The following MYO5A variants were observed in gnomAD, a reference collection of about 807,000 sequenced individuals.
The protein encoded by MYO5A is myosin VA, also known as unconventional myosin-Va.
MYO5A carries 98 observed loss-of-function variants against 249.7 expected under a neutral mutation model. That is an observed-to-expected ratio of 0.39 (90% CI 0.33 to 0.46). The LOEUF (loss-of-function observed/expected upper bound fraction) is 0.46, where lower values mean the gene tolerates loss of function less well. MYO5A is among the 20% of genes least tolerant of loss of function. The pLI, the probability that MYO5A is intolerant of heterozygous loss-of-function variation, is 0.98. For synonymous variants in MYO5A, 778 were observed against 810.6 expected (o/e 0.96, Z 0.68); for missense variants, 1,696 against 2,308.8 (o/e 0.73, Z 5.44).
At chr15:52,332,322 T>A (rs551078681) in intron 34 of MYO5A, among the ~76,000 whole-genome samples, 2 of 152,146 alleles carry the variant, frequency 1.3e-5, no homozygotes, top group African/African-American at 4.8e-5. Context: ...ACTAAAAAAA[T>A]TGCCAACTAA....
At chr15:52,349,132 C>T (rs1822457107) in intron 28 of MYO5A, among the ~76,000 whole-genome samples, 1 of 152,078 alleles carries the variant, frequency 6.6e-6, no homozygotes, top group South Asian at 2.1e-4. Flanking sequence ...GAGAATGACC[C>T]TCCTGTTATT....
chr15:52,430,937 T>A (rs530014063), intron 2 of MYO5A, among the ~76,000 whole-genome samples: 40 of 151,866 alleles, frequency 2.6e-4, no homozygotes, highest in South Asian at 1.3e-3. Flanking sequence ...TTATTTTTTT[T>A]AAAAAAAGTC....
intron 1 of MYO5A, among the ~76,000 whole-genome samples, chr15:52,487,079 G>A (rs2076836780): frequency 1.3e-5 from 2 of 152,112 alleles, no homozygotes; most frequent in Admixed American, 1.3e-4. Context: ...TAGGTCATAC[G>A]ACACAAAATT....
intron 2 of MYO5A, among the ~76,000 whole-genome samples, chr15:52,429,688 C>CAA (rs776932198): frequency 2.7e-4 from 27 of 101,174 alleles, no homozygotes; most frequent in African/African-American, 7.5e-4. Flanking sequence ...GACTCCATCT[C>CAA]AAAAAAAAAC....
At chr15:52,336,783 A>T (rs2039140957) in intron 33 of MYO5A, among the ~76,000 whole-genome samples, 2 of 152,264 alleles carry the variant, frequency 1.3e-5, no homozygotes. Flanking sequence ...CGTGATGGAC[A>T]GCAGGCTCAC....
At chr15:52,341,033 C>T (rs998717769) in intron 31 of MYO5A, among the ~76,000 whole-genome samples, 4 of 151,826 alleles carry the variant, frequency 2.6e-5, no homozygotes, top group African/African-American at 9.7e-5. Flanking sequence ...ATTTGCCTTG[C>T]ATTTGCATTT....
At chr15:52,365,451 C>T (rs1339887136) in intron 23 of MYO5A, among the ~76,000 whole-genome samples, 1 of 152,158 alleles carries the variant, frequency 6.6e-6, no homozygotes, top group Non-Finnish European at 1.5e-5. Flanking sequence ...AGTAACAAAA[C>T]CTCAAATCTC....
chr15:52,340,952 CAAA>C (rs71676013), intron 31 of MYO5A, among the ~76,000 whole-genome samples: 7 of 77,992 alleles, frequency 9.0e-5, no homozygotes, highest in Non-Finnish European at 1.3e-4. Context: ...AACTTCGTCT[CAAA>C]AAAAAAAAAA....
chr15:52,434,319 G>A (rs2075613861), intron 1 of MYO5A, among the ~76,000 whole-genome samples: 1 of 151,974 alleles, frequency 6.6e-6, no homozygotes, highest in South Asian at 2.1e-4. Flanking sequence ...TTTTTTTATG[G>A]TGGTTTGCAT....
chr15:52,356,833 T>C (rs1179834924), intron 25 of MYO5A, among the ~76,000 whole-genome samples: 4 of 148,166 alleles, frequency 2.7e-5, no homozygotes, highest in Non-Finnish European at 5.9e-5. Flanking sequence ...TCAGGAATTG[T>C]ATATTAATTA....
intron 1 of MYO5A, among the ~76,000 whole-genome samples, chr15:52,436,451 T>C (rs1484296549): frequency 6.6e-6 from 1 of 152,226 alleles, no homozygotes; most frequent in African/African-American, 2.4e-5. Flanking sequence ...TCCTTCTCAC[T>C]TATATGATAG....
At chr15:52,472,564 G>A (rs999718519) in intron 1 of MYO5A, among the ~76,000 whole-genome samples, 2 of 151,910 alleles carry the variant, frequency 1.3e-5, no homozygotes, top group Admixed American at 6.6e-5. Context: ...CGCACAACAG[G>A]CCCCGGTGTG....
chr15:52,361,664 A>T (rs1276182808), intron 24 of MYO5A, among the ~76,000 whole-genome samples: 2 of 152,238 alleles, frequency 1.3e-5, no homozygotes, highest in Non-Finnish European at 2.9e-5. Flanking sequence ...TTGGCATAAC[A>T]AGCATTCAAT....
chr15:52,422,819 C>T (rs927386496), intron 4 of MYO5A, among the ~76,000 whole-genome samples: 5 of 152,242 alleles, frequency 3.3e-5, no homozygotes, highest in South Asian at 4.1e-4. Context: ...TGGGCTCAAG[C>T]GATCCTCCCA....
At chr15:52,518,550 C>G (rs946195921) in intron 1 of MYO5A, among the ~76,000 whole-genome samples, 5 of 152,184 alleles carry the variant, frequency 3.3e-5, no homozygotes, top group Non-Finnish European at 7.3e-5. Flanking sequence ...CCAACCCAAC[C>G]ATGCTGCTTA....
At chr15:52,395,744 T>A (rs530795055) in intron 11 of MYO5A, among the ~76,000 whole-genome samples, 2 of 152,312 alleles carry the variant, frequency 1.3e-5, no homozygotes. Flanking sequence ...CTGGGCTCTG[T>A]GTCCTTCACT....
intron 1 of MYO5A, among the ~76,000 whole-genome samples, chr15:52,502,979 T>C (rs2077188599): frequency 6.6e-6 from 1 of 151,990 alleles, no homozygotes; most frequent in South Asian, 2.1e-4. Flanking sequence ...AAAAAGTAGG[T>C]CTCATGAAGA....
chr15:52,343,228 C>T (rs747403870), intron 30 of MYO5A, 31 bp from the exon 31 acceptor site: 3 of 1,562,656 alleles, frequency 1.9e-6, no homozygotes, highest in Admixed American at 3.3e-5. Flanking sequence ...CAATGCAAAA[C>T]ACAAAAGGAT....
At chr15:52,420,700 G>A (rs1056839386) in intron 4 of MYO5A, among the ~76,000 whole-genome samples, 2 of 152,104 alleles carry the variant, frequency 1.3e-5, no homozygotes, top group African/African-American at 4.8e-5. Flanking sequence ...AGTAAAATCT[G>A]AGTGGGATAA....
Sources: allele counts gnomAD v4.1 joint callset (sites outside exome capture counted in the v4.1 genomes callset), GRCh38; gene constraint gnomAD v4.1.1; transcripts MANE v1.5; gene names NCBI Gene and HGNC (gene_info 2026-07-23, HGNC 2026-07-21).